The following GBP3 variants were observed in gnomAD, a reference collection of about 807,000 sequenced individuals.
The protein encoded by GBP3 is guanylate binding protein 3.
Under a neutral mutation model 62.4 loss-of-function variants are expected in GBP3, and 55 were observed. The observed-to-expected ratio is 0.88, with a 90% CI of 0.71 to 1.10. The LOEUF is 1.10. Ranked by LOEUF, GBP3 falls within the 50% of genes least tolerant of loss-of-function variation. The pLI, the probability that GBP3 is intolerant of heterozygous loss-of-function variation, is 0.00. For synonymous variants in GBP3, 208 were observed against 259.2 expected (o/e 0.80, Z 1.90); for missense variants, 605 against 690.6 (o/e 0.88, Z 1.39).
At chr1:89,014,766 T>C in intron 3 of GBP3, 110 bp from the exon 4 acceptor site, 1 of 1,371,052 alleles carries the variant, frequency 7.3e-7, no homozygotes, top group Non-Finnish European at 1.0e-6. Flanking sequence ...TTAAGACTAA[T>C]GACCTATGAA....
chr1:89,020,836 G>T, intron 1 of GBP3, 93 bp from the exon 2 acceptor site: 1 of 1,002,132 alleles, frequency 1.0e-6, no homozygotes, highest in Non-Finnish European at 1.5e-6. Context: ...CAAAAGTTTT[G>T]TGTGTGTCAG....
intron 2 of GBP3, among the ~76,000 whole-genome samples, chr1:89,016,189 A>G (rs930167673): frequency 8.5e-5 from 13 of 152,234 alleles, no homozygotes; most frequent in African/African-American, 2.9e-4. Context: ...CCCATTTAAC[A>G]TACCACCAAA....
intron 8 of GBP3, 59 bp downstream of exon 8, chr1:89,010,845 T>G: frequency 6.9e-7 from 1 of 1,459,634 alleles, no homozygotes; most frequent in Admixed American, 1.8e-5. Flanking sequence ...TTGGTCACTT[T>G]GGTGTTCGTA....
intron 7 of GBP3, 114 bp from the exon 8 acceptor site, chr1:89,011,230 A>C: frequency 7.7e-7 from 1 of 1,297,204 alleles, no homozygotes; most frequent in Admixed American, 2.0e-5. Context: ...GGAGAAACTG[A>C]CAGACTCCTC....
chr1:89,020,406 G>C (rs772537019), intron 2 of GBP3, 126 bp downstream of exon 2: 2 of 1,076,020 alleles, frequency 1.9e-6, no homozygotes, highest in South Asian at 2.7e-5. Flanking sequence ...AAGATAAGGA[G>C]CCCAACTGTG....
intron 2 of GBP3, among the ~76,000 whole-genome samples, chr1:89,019,126 A>C (rs1302012516): frequency 1.3e-5 from 2 of 152,272 alleles, no homozygotes; most frequent in African/African-American, 4.8e-5. Context: ...TATACTGAAA[A>C]GGAGTGAAAG....
At position 89,009,503 on chromosome 1, in the gene GBP3, C is replaced by A; in HGVS notation, c.1363-9G>T. 6.2e-7 allele frequency: 1 copy of A among 1,613,112 alleles called. No homozygotes were observed. Among genetic ancestry groups the A allele is most frequent in the African/African-American group, 1.3e-5 (1 of 74,908 alleles). ...TGCAGAATCTCTTCAGCCTTAGGACCCAGAGAACACAGAGTGAGAAGTAGG... is the reference window on the plus strand; with the variant it reads ...TGCAGAATCTCTTCAGCCTTAGGACACAGAGAACACAGAGTGAGAAGTAGG... On this transcript the variant is annotated splice_polypyrimidine_tract_variant and intron_variant, in intron 8 of 10. Transcript: ENST00000370481.
intron 8 of GBP3, among the ~76,000 whole-genome samples, chr1:89,010,411 C>CAT (rs1678491486): frequency 7.3e-6 from 1 of 136,862 alleles, no homozygotes; most frequent in Non-Finnish European, 1.7e-5. Flanking sequence ...TGAGCCACTG[C>CAT]GCCCGGCCTA....
At chr1:89,018,687 T>G (rs1679014550) in intron 2 of GBP3, among the ~76,000 whole-genome samples, 1 of 152,236 alleles carries the variant, frequency 6.6e-6, no homozygotes, top group Non-Finnish European at 1.5e-5. Flanking sequence ...AGATGTTATG[T>G]TAAAGAATTA....
rs1299685053 is a variant in GBP3 at position 89,012,002 on chromosome 1, A to G, written c.894T>C (p.Tyr298=). Residue 298 remains tyrosine (Y), a synonymous_variant, in exon 7 of 11, where the codon TAT becomes TAC. Coordinates refer to ENST00000370481, the MANE Select transcript of GBP3 (RefSeq NM_018284.3). ...GPRLESLVLT[Y]INAISRGDLP... is the part of the protein sequence containing the mutation. ...GATCCCCTCTGCTGATAGCATTGAT[A>G]TAGGTCAGCACTAGGCTCTCTAGAC... 5 of 1,462,308 alleles carry G rather than the reference A, an allele frequency of 3.4e-6. 1 individual carries two copies. In the South Asian group the frequency reaches 4.7e-5, roughly 14 times the overall value. The allele number at this position is 1,462,308 out of a possible 1,614,324, so 90.6% of individuals were successfully genotyped here. A position where few individuals can be genotyped will look rare whatever the true frequency, so the allele number is the denominator to read the frequency against.
chr1:89,020,797 G>A, intron 1 of GBP3, 54 bp from the exon 2 acceptor site: 2 of 1,518,794 alleles, frequency 1.3e-6, no homozygotes, highest in Non-Finnish European at 1.8e-6. Flanking sequence ...GCATTTAGAG[G>A]ATAGAGTCAC....
Position 89,011,097 on chromosome 1 carries a change from C to T in GBP3, c.1169G>A (p.Arg390Gln), listed in dbSNP as rs751613765. Residue 390 changes from arginine to glutamine, a missense_variant, in exon 8 of 11, where the codon CGG (arginine) becomes CAG (glutamine). Around this residue, in one of 3 missense-constraint regions of GBP3, gnomAD observed 137 missense variants for 224.7 expected, o/e 0.61. Transcript: ENST00000370481. Reference sequence around the variant, plus strand: ...TTGATTCTGTTTACAAAAGTCATCCCGCTTTTTGTCTAGCTGGGCCTTTAA... The same window carrying T: ...TTGATTCTGTTTACAAAAGTCATCCTGCTTTTTGTCTAGCTGGGCCTTTAA... ...KKLAAQLDKK[R>Q]DDFCKQNQEA... is the part of the protein sequence containing the mutation. The T allele has an allele frequency of 1.2e-5, 17 of 1,461,692 alleles. 2 individuals are homozygous for T. The highest frequency in any genetic ancestry group is 9.4e-5 in the South Asian group (8 of 84,732). 90.5% of individuals were successfully genotyped at this position (1,461,692 alleles called of 1,614,324 possible). A position where few individuals can be genotyped will look rare whatever the true frequency, so the allele number is the denominator to read the frequency against.
chr1:89,012,395 A>G (rs1428133146), intron 6 of GBP3, among the ~76,000 whole-genome samples: 4 of 138,816 alleles, frequency 2.9e-5, no homozygotes, highest in African/African-American at 4.9e-5. Flanking sequence ...GTAGCATTTG[A>G]TCAATACTTA....
chr1:89,012,994 T>C (rs1001654993), intron 6 of GBP3, among the ~76,000 whole-genome samples, 191 bp downstream of exon 6: 1 of 111,898 alleles, frequency 8.9e-6, no homozygotes, highest in Non-Finnish European at 1.8e-5. Context: ...TGTGCCACCA[T>C]GCCTCATTTA....
chr1:89,008,664 C>T (rs1387411064), intron 10 of GBP3, among the ~76,000 whole-genome samples: 1 of 151,768 alleles, frequency 6.6e-6, no homozygotes, highest in Non-Finnish European at 1.5e-5. Flanking sequence ...TGGTATTAAG[C>T]AAGAGATATA....
chr1:89,007,447 T>C lies in GBP3; in HGVS notation c.*277A>G, dbSNP rs1424706254. On this transcript the variant is annotated 3_prime_UTR_variant, in exon 11 of 11. Coordinates refer to ENST00000370481, the MANE Select transcript of GBP3 (RefSeq NM_018284.3). The stretch of plus-strand genomic sequence containing the variant: ...GTCCCAAGATTTTTACCTAAGACTT[T>C]CCTCAGTATCCACTGGTCGTCTGGA... The C allele has an allele frequency of 6.8e-6, 2 of 294,852 alleles. No homozygotes were observed. Among genetic ancestry groups the C allele is most frequent in the African/African-American group, 4.4e-5 (2 of 45,292 alleles). The allele number at this position is 294,852 out of a possible 1,614,324, so 18.3% of individuals were successfully genotyped here. A position where few individuals can be genotyped will look rare whatever the true frequency, so the allele number is the denominator to read the frequency against.
chr1:89,013,703 C>T (rs138731755), intron 5 of GBP3: 25 of 440,748 alleles, frequency 5.7e-5, no homozygotes, highest in African/African-American at 4.8e-4. Context: ...TGTTCATGTT[C>T]AATCTATGTT....
At chr1:89,019,396 C>T (rs779647641) in intron 2 of GBP3, among the ~76,000 whole-genome samples, 15 of 152,258 alleles carry the variant, frequency 9.9e-5, no homozygotes, top group East Asian at 5.8e-4. Context: ...TCAAGTGATT[C>T]TCCTGCCCCA....
At chr1:89,011,329 T>A (rs1213835699) in intron 7 of GBP3, among the ~76,000 whole-genome samples, 2 of 139,616 alleles carry the variant, frequency 1.4e-5, no homozygotes, top group Admixed American at 7.4e-5. Flanking sequence ...ATTGACAGCT[T>A]TATGTCAACT....
Sources: allele counts gnomAD v4.1 joint callset (sites outside exome capture counted in the v4.1 genomes callset), GRCh38; gene constraint gnomAD v4.1.1; regional missense constraint gnomAD v4.1.1; transcripts MANE v1.5; gene names NCBI Gene and HGNC (gene_info 2026-07-23, HGNC 2026-07-21).